Variants in HPRT1 observed in about 807,000 individuals in gnomAD.
HPRT1 encodes the protein hypoxanthine-guanine phosphoribosyltransferase.
A neutral mutation model predicts 19.0 loss-of-function variants in HPRT1; 4 were observed. That is an observed-to-expected ratio of 0.21 (90% CI 0.10 to 0.48). HPRT1 has a LOEUF of 0.48. Among genes scored for constraint, HPRT1 ranks in the 20% least tolerant of loss-of-function variants. The probability of loss-of-function intolerance (pLI) is 0.98; values close to 1 mark genes in which losing one functional copy is unlikely to be tolerated. For synonymous variants in HPRT1, 53 were observed against 54.9 expected, an observed-to-expected ratio of 0.97 and a Z score of 0.15; for missense variants, 65 against 164.0, an observed-to-expected ratio of 0.40 and a Z score of 3.30.
At chrX:134,478,614 G>T (rs2077631706) in intron 3 of HPRT1, among the ~76,000 whole-genome samples, 1 of 111,680 alleles carries the variant, frequency 9.0e-6, no homozygotes, top group Non-Finnish European at 1.9e-5. Flanking sequence ...GACAGAGGGA[G>T]ACCCTGTCTT....
chrX:134,499,697 G>A (rs1221002443), intron 8 of HPRT1, among the ~76,000 whole-genome samples: 2 of 108,719 alleles, frequency 1.8e-5, no homozygotes, highest in South Asian at 4.0e-4. Flanking sequence ...TCAGCTACTC[G>A]GGAGGCTGAG....
intron 3 of HPRT1, among the ~76,000 whole-genome samples, chrX:134,477,044 AT>A (rs2077627257): frequency 4.8e-5 from 5 of 103,245 alleles, no homozygotes; most frequent in African/African-American, 1.4e-4. Flanking sequence ...ATTTTATTTT[AT>A]TTTATTTTAT....
At chrX:134,461,095 G>GT (rs780735464) in intron 1 of HPRT1, among the ~76,000 whole-genome samples, 9 of 111,559 alleles carry the variant, frequency 8.1e-5, no homozygotes, top group South Asian at 3.8e-4. Context: ...ACCCTCACTG[G>GT]TTTTTTCTTG....
At chrX:134,492,993 A>G (rs1157942549) in intron 5 of HPRT1, among the ~76,000 whole-genome samples, 1 of 111,480 alleles carries the variant, frequency 9.0e-6, no homozygotes, top group Non-Finnish European at 1.9e-5. Context: ...CATTAGGGTT[A>G]TGGTTTAAAA....
rs968225700 is a variant in HPRT1, at chrX:134,500,237, G to A, written c.*160G>A. 4.2e-6 allele frequency: 2 copies of A among 479,999 alleles called. No individual in the cohort carries two copies. The highest frequency in any genetic ancestry group is 5.5e-4 in the Middle Eastern group (1 of 1,816). The allele number at this position is 479,999 out of a possible 1,213,427, so 39.6% of individuals were successfully genotyped here. On this transcript the variant is annotated 3_prime_UTR_variant, in exon 9 of 9. Transcript: ENST00000298556. The stretch of plus-strand genomic sequence containing the variant: ...TTGTACTTTAGAAATGTCAGTTGCT[G>A]CATTCCTAAACTGTTTATTTGCACT...
intron 5 of HPRT1, chrX:134,492,604 C>T (rs2077670638): frequency 6.3e-6 from 2 of 317,504 alleles, no homozygotes; most frequent in Admixed American, 3.2e-5. Flanking sequence ...TATTTAAAGG[C>T]TCATGCCCTA....
At chrX:134,466,627 C>G (rs778284885) in intron 1 of HPRT1, among the ~76,000 whole-genome samples, 1 of 111,670 alleles carries the variant, frequency 9.0e-6, no homozygotes, top group African/African-American at 3.2e-5. Context: ...TTATGGCAGC[C>G]TGAGCAGGTA....
In HPRT1 at chrX:134,493,856, G is replaced by T. The variant is rs187544502; in HGVS notation, c.485+266G>T. Among the ~76,000 whole-genome samples, 4 of 111,478 alleles carry T rather than the reference G, an allele frequency of 3.6e-5. No individual in the cohort carries two copies. The East Asian group carries it at 1.1e-3, about 31-fold the overall frequency. On this transcript the variant is annotated intron_variant, in intron 6 of 8. Transcript: ENST00000298556. ...GTTTGTCCTGAATAGCATGGCAGAG[G>T]ATTTTGGGCCCCCTTGCAAAATTAA...
intron 3 of HPRT1, among the ~76,000 whole-genome samples, chrX:134,476,584 A>G (rs1417354071): frequency 1.8e-5 from 2 of 111,766 alleles, no homozygotes; most frequent in Non-Finnish European, 3.8e-5. Flanking sequence ...CAAAGCATGT[A>G]CTTAGAGTTG....
intron 5 of HPRT1, among the ~76,000 whole-genome samples, chrX:134,490,961 C>A (rs2077664789): frequency 9.5e-6 from 1 of 105,290 alleles, no homozygotes; most frequent in East Asian, 3.0e-4. Flanking sequence ...TTTTCCTGAT[C>A]ACTTATCACT....
At chrX:134,469,380 A>G (rs762526085) in intron 1 of HPRT1, among the ~76,000 whole-genome samples, 1 of 111,446 alleles carries the variant, frequency 9.0e-6, no homozygotes, top group East Asian at 2.8e-4. Context: ...AGGATGCAAT[A>G]AAACAAAACA....
chrX:134,464,328 A>T (rs1306122992), intron 1 of HPRT1, among the ~76,000 whole-genome samples: 1 of 111,780 alleles, frequency 8.9e-6, no homozygotes, highest in Admixed American at 9.6e-5. Flanking sequence ...TGCATCAGTA[A>T]CTCATAATTT....
At chrX:134,492,706 C>T (rs1040181741) in intron 5 of HPRT1, among the ~76,000 whole-genome samples, 1 of 112,119 alleles carries the variant, frequency 8.9e-6, no homozygotes, top group African/African-American at 3.2e-5. Flanking sequence ...ATCACAGGAG[C>T]GGCTATCCCG....
At chrX:134,469,213 G>A (rs1185086886) in intron 1 of HPRT1, among the ~76,000 whole-genome samples, 2 of 110,620 alleles carry the variant, frequency 1.8e-5, no homozygotes, top group African/African-American at 6.7e-5. Flanking sequence ...ATATATGTGT[G>A]CATATATATA....
intron 3 of HPRT1, among the ~76,000 whole-genome samples, chrX:134,481,484 T>C (rs2077639270): frequency 9.6e-6 from 1 of 104,082 alleles, no homozygotes; most frequent in South Asian, 4.4e-4. Flanking sequence ...TCCATCTTTG[T>C]CTCTATCTCT....
At chrX:134,472,556 GGTTTTTTGTTTT>G (rs1414168155) in intron 1 of HPRT1, among the ~76,000 whole-genome samples, 5 of 111,310 alleles carry the variant, frequency 4.5e-5, no homozygotes, top group South Asian at 7.4e-4. Flanking sequence ...ATAGTTACAT[GGTTTTTTGTTTT>G]GTTTTTTGTT....
intron 3 of HPRT1, among the ~76,000 whole-genome samples, chrX:134,475,722 G>A (rs1014592086): frequency 9.0e-6 from 1 of 111,731 alleles, no homozygotes. Flanking sequence ...GACAAATAAG[G>A]TGGGTTAACA....
chrX:134,492,496 C>T lies in HPRT1; in HGVS notation c.403-1012C>T, dbSNP rs1487641717. ...GAATCAAGGGACTCATGATCCTCTT[C>T]AAAGTTCCTTCAGGTTGTTGGCAGA... On this transcript the variant is annotated intron_variant, in intron 5 of 8. Transcript: ENST00000298556. The T allele has an allele frequency of 1.2e-5, 4 of 330,657 alleles. No individual in the cohort carries two copies. The Admixed American group carries it at 1.2e-4, about 10-fold the overall frequency. The allele number at this position is 330,657 out of a possible 1,213,427, so 27.2% of individuals were successfully genotyped here. A position where few individuals can be genotyped will look rare whatever the true frequency, so the allele number is the denominator to read the frequency against.
At chrX:134,491,929 GTA>G (rs1162185506) in intron 5 of HPRT1, among the ~76,000 whole-genome samples, 3 of 95,831 alleles carry the variant, frequency 3.1e-5, no homozygotes, top group Non-Finnish European at 6.2e-5. Context: ...ATGTATGTAT[GTA>G]TATATGTGTG....
Sources: allele counts gnomAD v4.1 joint callset (sites outside exome capture counted in the v4.1 genomes callset), GRCh38; gene constraint gnomAD v4.1.1; transcripts MANE v1.5; gene names NCBI Gene and HGNC (gene_info 2026-07-23, HGNC 2026-07-21).